Variants in PRIM2 observed in about 807,000 individuals in gnomAD.
PRIM2 encodes DNA primase subunit 2.
A neutral mutation model predicts 67.3 loss-of-function variants in PRIM2; 39 were observed. The observed-to-expected ratio is 0.58, with a 90% CI of 0.45 to 0.76. The LOEUF is 0.76. Among genes scored for constraint, PRIM2 ranks in the 30% least tolerant of loss-of-function variants. The probability of loss-of-function intolerance (pLI) is 0.00; values close to 1 mark genes in which losing one functional copy is unlikely to be tolerated. For synonymous variants in PRIM2, 143 were observed against 198.7 expected (o/e 0.72, Z 2.36); for missense variants, 398 against 598.7 (o/e 0.66, Z 3.50).
At chr6:57,295,588 A>G in the PRIM2 span, among the ~76,000 whole-genome samples, 2 of 152,174 alleles carry the variant, frequency 1.3e-5, no homozygotes, top group South Asian at 4.1e-4. Context: ...AAACAGACTG[A>G]TTTTAGAGAA....
intron 7 of PRIM2, among the ~76,000 whole-genome samples, chr6:57,461,125 GCAGAGATA>G (rs1190756531): frequency 4.6e-5 from 7 of 152,212 alleles, no homozygotes; most frequent in Non-Finnish European, 5.9e-5. Context: ...GAAAGCTCAT[GCAGAGATA>G]CTGTTTTGAA....
chr6:57,509,237 G>C (rs1314541569), intron 8 of PRIM2, among the ~76,000 whole-genome samples: 6 of 151,444 alleles, frequency 4.0e-5, no homozygotes, highest in African/African-American at 1.5e-4. Context: ...TGTTTTGTTG[G>C]GTTGATCAAG....
At chr6:57,409,194 G>A (rs1249100599) in intron 7 of PRIM2, among the ~76,000 whole-genome samples, 5 of 147,202 alleles carry the variant, frequency 3.4e-5, no homozygotes, top group African/African-American at 7.6e-5. Context: ...TTTTTTTTTC[G>A]AGATGGAGTC....
chr6:57,541,954 G>A (rs1775166248), intron 10 of PRIM2, among the ~76,000 whole-genome samples: 1 of 150,760 alleles, frequency 6.6e-6, no homozygotes, highest in Admixed American at 6.6e-5. Context: ...GTGAAGAGCT[G>A]GGTGGTTGTT....
the PRIM2 span, among the ~76,000 whole-genome samples, chr6:57,247,915 A>T: frequency 6.6e-6 from 1 of 152,224 alleles, no homozygotes; most frequent in South Asian, 2.1e-4. Context: ...AAGAATAATG[A>T]GACTAAAAAA....
chr6:57,313,496 C>T (rs141251214), upstream of PRIM2, among the ~76,000 whole-genome samples: 277 of 152,272 alleles, frequency 1.8e-3, 1 homozygote, highest in African/African-American at 6.0e-3. Flanking sequence ...TGTTTCTTCA[C>T]CGTGCTACCA....
chr6:57,368,271 C>A (rs554194948), intron 5 of PRIM2, among the ~76,000 whole-genome samples: 1 of 151,494 alleles, frequency 6.6e-6, no homozygotes, highest in Non-Finnish European at 1.5e-5. Flanking sequence ...TATGTCGAAC[C>A]ACTAATGGAC....
At chr6:57,469,045 T>G (rs1472291749) in intron 7 of PRIM2, among the ~76,000 whole-genome samples, 3 of 152,228 alleles carry the variant, frequency 2.0e-5, no homozygotes, top group Non-Finnish European at 2.9e-5. Context: ...TGAAGAGAGC[T>G]TCTCATGTTA....
chr6:57,428,777 TAG>T (rs61344709), intron 7 of PRIM2, among the ~76,000 whole-genome samples: 36 of 152,322 alleles, frequency 2.4e-4, no homozygotes, highest in African/African-American at 8.7e-4. Flanking sequence ...ACAAAAATAG[TAG>T]AGAGTTTCAA....
At chr6:57,226,750 T>A in the PRIM2 span, among the ~76,000 whole-genome samples, 3 of 152,186 alleles carry the variant, frequency 2.0e-5, no homozygotes, top group African/African-American at 7.2e-5. Context: ...AGGGTTAGAC[T>A]GAGATGGTTA....
chr6:57,375,837 C>T (rs1172567697), intron 5 of PRIM2, among the ~76,000 whole-genome samples: 4 of 151,678 alleles, frequency 2.6e-5, no homozygotes, highest in Non-Finnish European at 5.9e-5. Flanking sequence ...ATTGGGAGGC[C>T]AAGGTGGGAG....
chr6:57,276,374 G>C, the PRIM2 span, among the ~76,000 whole-genome samples: 2 of 151,518 alleles, frequency 1.3e-5, no homozygotes, highest in African/African-American at 4.9e-5. Context: ...CTGGGCAACA[G>C]AGTGAGACTG....
chr6:57,646,694 T>A lies in PRIM2; in HGVS notation c.*536T>A, dbSNP rs1777342486. The stretch of plus-strand genomic sequence containing the variant: ...AAATCTGTCACTTGAGTGATGTCAT[T>A]TAAGTCCTATTTTAGGAGATAAAAA... On this transcript the variant is annotated 3_prime_UTR_variant, in exon 14 of 14. Transcript: ENST00000615550. 2 of 152,322 alleles carry A rather than the reference T, an allele frequency of 1.3e-5. No individual in the cohort carries two copies. Among genetic ancestry groups the A allele is most frequent in the Admixed American group, 1.3e-4 (2 of 15,288 alleles). The allele number at this position is 152,322 out of a possible 1,614,324, so 9.4% of individuals were successfully genotyped here.
At chr6:57,455,871 C>T (rs1410613043) in intron 7 of PRIM2, among the ~76,000 whole-genome samples, 5 of 152,200 alleles carry the variant, frequency 3.3e-5, no homozygotes, top group African/African-American at 9.6e-5. Flanking sequence ...GATTCAGTTT[C>T]TTCCTAGCCT....
At chr6:57,590,824 A>T (rs1406517017) in intron 10 of PRIM2, among the ~76,000 whole-genome samples, 5 of 152,222 alleles carry the variant, frequency 3.3e-5, no homozygotes, top group Non-Finnish European at 7.3e-5. Flanking sequence ...CGCTATACCA[A>T]GTACTTTGTG....
At chr6:57,610,250 TA>T (rs1419009170) in intron 12 of PRIM2, among the ~76,000 whole-genome samples, 1 of 152,118 alleles carries the variant, frequency 6.6e-6, no homozygotes, top group Non-Finnish European at 1.5e-5. Context: ...TGTATTTTTG[TA>T]GAGATGGGGT....
intron 10 of PRIM2, among the ~76,000 whole-genome samples, chr6:57,592,168 G>A (rs1270271023): frequency 6.6e-6 from 1 of 152,112 alleles, no homozygotes; most frequent in Non-Finnish European, 1.5e-5. Context: ...AGGACCTAGA[G>A]CCAGGAAAGA....
chr6:57,514,581 G>A, intron 8 of PRIM2, among the ~76,000 whole-genome samples: 2 of 152,040 alleles, frequency 1.3e-5, no homozygotes, highest in Non-Finnish European at 2.9e-5. Context: ...TTATAGTGAA[G>A]GTTTTCCAGG....
rs567370864 is a variant in PRIM2 at position 57,351,717 on chromosome 6, G to A, written c.459+25672G>A. ...AAGATATTGCTTGTGAGTGCTATGG[G>A]CCAGTAGAGATAGACAGTGGGCAGT... is the stretch of plus-strand genomic sequence containing the variant. On this transcript the variant is annotated intron_variant, in intron 5 of 13. Transcript: ENST00000615550. Among the ~76,000 whole-genome samples the A allele has an allele frequency of 3.9e-5, 6 of 152,150 alleles. No individual in the cohort carries two copies. The East Asian group carries it at 1.2e-3, about 29-fold the overall frequency.
Sources: allele counts gnomAD v4.1 joint callset (sites outside exome capture counted in the v4.1 genomes callset), GRCh38; gene constraint gnomAD v4.1.1; transcripts MANE v1.5; gene names NCBI Gene and HGNC (gene_info 2026-07-23, HGNC 2026-07-21).